The following FOXP1 variants were observed in gnomAD, a reference collection of about 807,000 sequenced individuals.
The protein encoded by FOXP1 is forkhead box P1, also known as forkhead box protein P1.
In FOXP1, 15 loss-of-function variants were observed where a neutral mutation model predicts 98.2. The ratio of observed to expected loss-of-function variants is 0.15; its 90% CI spans 0.10 to 0.24. The LOEUF is 0.24. Among genes scored for constraint, FOXP1 ranks in the 10% least tolerant of loss-of-function variants. The pLI is 1.00. For missense variants in FOXP1, 633 were observed against 848.5 expected (o/e 0.75, Z 3.15); for synonymous variants, 371 against 314.5 (o/e 1.18, Z -1.90).
At chr3:71,390,978 T>C (rs1043531770) in intron 3 of FOXP1, among the ~76,000 whole-genome samples, 5 of 152,162 alleles carry the variant, frequency 3.3e-5, no homozygotes, top group African/African-American at 1.2e-4. Flanking sequence ...AAAAATCAAA[T>C]TGTTTGTTCA....
intron 3 of FOXP1, among the ~76,000 whole-genome samples, chr3:71,439,930 A>AGAGT (rs1237724719): frequency 2.1e-5 from 3 of 142,502 alleles, no homozygotes; most frequent in Non-Finnish European, 4.5e-5. Context: ...CCTGGGCGAG[A>AGAGT]GAGTGAGACT....
intron 5 of FOXP1, among the ~76,000 whole-genome samples, chr3:71,246,816 G>T (rs1309683531): frequency 6.6e-6 from 1 of 152,180 alleles, no homozygotes; most frequent in East Asian, 1.9e-4. Context: ...TCATCGTATA[G>T]ACAATTTCAT....
chr3:71,342,145 T>C (rs1006937079), intron 4 of FOXP1, among the ~76,000 whole-genome samples: 1 of 152,246 alleles, frequency 6.6e-6, no homozygotes, highest in Non-Finnish European at 1.5e-5. Flanking sequence ...TTTCTAGATG[T>C]CCACATGAGG....
chr3:71,345,404 A>G (rs2077271527), intron 4 of FOXP1, among the ~76,000 whole-genome samples: 1 of 17,426 alleles, frequency 5.7e-5, no homozygotes, highest in Non-Finnish European at 2.4e-4. Context: ...ATATACACAC[A>G]CACACACACA....
chr3:71,025,386 G>A (rs1278007289), intron 11 of FOXP1, among the ~76,000 whole-genome samples: 1 of 152,120 alleles, frequency 6.6e-6, no homozygotes, highest in Non-Finnish European at 1.5e-5. Flanking sequence ...GCTGGGCCAT[G>A]GACCATAACA....
chr3:71,215,415 C>T (rs969698291), intron 5 of FOXP1, among the ~76,000 whole-genome samples: 3 of 152,142 alleles, frequency 2.0e-5, no homozygotes, highest in African/African-American at 7.2e-5. Context: ...CAATTAGACA[C>T]ATAAATAAGT....
chr3:71,550,918 C>T (rs1388619140), intron 2 of FOXP1, among the ~76,000 whole-genome samples: 2 of 152,350 alleles, frequency 1.3e-5, no homozygotes, highest in Non-Finnish European at 2.9e-5. Context: ...CCTCCTCAGA[C>T]ACGATGAAGC....
intron 5 of FOXP1, among the ~76,000 whole-genome samples, chr3:71,292,997 A>G (rs1488677528): frequency 1.3e-5 from 2 of 152,224 alleles, no homozygotes; most frequent in Non-Finnish European, 2.9e-5. Flanking sequence ...AAATGGGCTC[A>G]TAAAATAAGG....
chr3:71,294,526 T>G (rs2073085899), intron 5 of FOXP1, among the ~76,000 whole-genome samples: 1 of 152,144 alleles, frequency 6.6e-6, no homozygotes, highest in African/African-American at 2.4e-5. Context: ...GACCATGTCC[T>G]TCTTACACGG....
At chr3:71,065,497 G>C (rs1276648415) in intron 7 of FOXP1, 1 of 152,300 alleles carries the variant, frequency 6.6e-6, no homozygotes, top group Non-Finnish European at 1.5e-5. Flanking sequence ...TTCACGTCGG[G>C]GGTTTCACAG....
At chr3:71,079,004 C>A (rs568168788) in intron 7 of FOXP1, among the ~76,000 whole-genome samples, 2 of 152,148 alleles carry the variant, frequency 1.3e-5, no homozygotes, top group Non-Finnish European at 2.9e-5. Context: ...CTTCCTACCA[C>A]GCCCACTCAC....
chr3:71,122,319 A>G (rs1191379170), intron 6 of FOXP1, among the ~76,000 whole-genome samples: 1 of 152,232 alleles, frequency 6.6e-6, no homozygotes, highest in Non-Finnish European at 1.5e-5. Context: ...ACATTCCAGC[A>G]GAGATAGAAG....
rs1000918077 is a variant in FOXP1 at position 70,954,923 on chromosome 3, A to G, written c.*4324T>C. 1 of 232,840 alleles carries G rather than the reference A, an allele frequency of 4.3e-6. No homozygotes were observed. Among genetic ancestry groups the G allele is most frequent in the African/African-American group, 2.2e-5 (1 of 45,340 alleles). The allele number at this position is 232,840 out of a possible 1,614,324, so 14.4% of individuals were successfully genotyped here. Reference sequence around the variant, plus strand: ...AAAATTCTTGTTACTGGCAGCACATATACATGAAGCACCATGCTCACAGTC... The same window carrying G: ...AAAATTCTTGTTACTGGCAGCACATGTACATGAAGCACCATGCTCACAGTC... On this transcript the variant is annotated 3_prime_UTR_variant, in exon 21 of 21. Transcript: ENST00000649528.
chr3:71,505,629 GT>G (rs1269132652), intron 2 of FOXP1, among the ~76,000 whole-genome samples: 1 of 152,080 alleles, frequency 6.6e-6, no homozygotes, highest in Admixed American at 6.5e-5. Context: ...GTTTCACCGT[GT>G]TAGCCAGGAT....
At chr3:71,176,743 CAAAAAA>C (rs573639526) in intron 6 of FOXP1, among the ~76,000 whole-genome samples, 1 of 75,520 alleles carries the variant, frequency 1.3e-5, no homozygotes, top group Non-Finnish European at 2.4e-5. Flanking sequence ...GAGGCTATCT[CAAAAAA>C]AAAAAAAAAA....
rs114014230 is a variant in FOXP1, at chr3:71,045,329, G to A, written c.664+1613C>T. Among the ~76,000 whole-genome samples the A allele has an allele frequency of 5.7e-3, 874 of 152,198 alleles. 7 individuals carry two copies. The highest frequency in any genetic ancestry group is 0.02 in the African/African-American group (835 of 41,516). Reference sequence around the variant, plus strand: ...CATTCATTTCTTTCACATTACACATGAGCTTGTCTTGTCACTGCCCAATTG... The same window carrying A: ...CATTCATTTCTTTCACATTACACATAAGCTTGTCTTGTCACTGCCCAATTG... On this transcript the variant is annotated intron_variant, in intron 10 of 20. Transcript: ENST00000649528.
intron 13 of FOXP1, among the ~76,000 whole-genome samples, chr3:70,993,999 GAAGAAAAAGAAA>G (rs5849975): frequency 0.062 from 8,400 of 136,014 alleles, 325 homozygotes; most frequent in Non-Finnish European, 0.087. Context: ...CGTCTCAAAA[GAAGAAAAAGAAA>G]AAGAAAAAGA....
chr3:71,489,921 A>G (rs1387900570), intron 3 of FOXP1, among the ~76,000 whole-genome samples: 3 of 152,182 alleles, frequency 2.0e-5, no homozygotes, highest in Non-Finnish European at 4.4e-5. Context: ...CTACCTCTGT[A>G]ACTCTGACCC....
At chr3:71,322,925 C>A (rs1057354219) in intron 4 of FOXP1, among the ~76,000 whole-genome samples, 5 of 151,962 alleles carry the variant, frequency 3.3e-5, no homozygotes, top group African/African-American at 1.2e-4. Context: ...GAGCCCTTGC[C>A]CCAAATGCAT....
Sources: allele counts gnomAD v4.1 joint callset (sites outside exome capture counted in the v4.1 genomes callset), GRCh38; gene constraint gnomAD v4.1.1; transcripts MANE v1.5; gene names NCBI Gene and HGNC (gene_info 2026-07-23, HGNC 2026-07-21).